Variants in USH2A observed in about 807,000 individuals in gnomAD.
USH2A encodes the protein usherin.
In USH2A, 443 loss-of-function variants were observed where a neutral mutation model predicts 538.9. That is an observed-to-expected ratio of 0.82 (90% CI 0.76 to 0.89). USH2A has a LOEUF of 0.89. USH2A is among the 40% of genes least tolerant of loss of function. The pLI is 0.00. For missense variants in USH2A, 6,633 were observed against 6,324.8 expected (o/e 1.05, Z -1.65); for synonymous variants, 2,413 against 2,273.5 (o/e 1.06, Z -1.75).
In USH2A at chr1:215,888,608, T is replaced by A. The variant is rs561700482; in HGVS notation, c.8041A>T (p.Met2681Leu). The change falls in exon 41 of 72, where the codon ATG (methionine) becomes TTG (leucine). Residue 2681 changes from methionine (M) to leucine (L), a missense_variant. Transcript: ENST00000307340. ...GCAGAAGTCTTGTCAATAAACCTCA[T>A]GGAATGACTCCTCGGGAGAGTCACC... ...TLVTLPRSHS[M>L]RFIDKTSALS... The A allele has an allele frequency of 6.2e-6, 10 of 1,614,186 alleles. No individual in the cohort carries two copies. The East Asian group carries it at 1.1e-4, about 18-fold the overall frequency.
chr1:215,676,468 G>A (rs1395774752), intron 62 of USH2A, among the ~76,000 whole-genome samples: 1 of 151,976 alleles, frequency 6.6e-6, no homozygotes, highest in African/African-American at 2.4e-5. Flanking sequence ...CACTCCTTTC[G>A]ATGACTCCCT....
At chr1:216,108,907 C>A (rs948833759) in intron 21 of USH2A, among the ~76,000 whole-genome samples, 2 of 151,800 alleles carry the variant, frequency 1.3e-5, no homozygotes, top group East Asian at 3.9e-4. Context: ...GCTTTAAATT[C>A]TTTGCTTTCT....
intron 35 of USH2A, among the ~76,000 whole-genome samples, chr1:215,990,760 CTTT>C (rs35293238): frequency 2.6e-5 from 3 of 114,576 alleles, no homozygotes; most frequent in Non-Finnish European, 3.4e-5. Context: ...CTTAATTTTC[CTTT>C]TTTTTTTTTT....
intron 22 of USH2A, among the ~76,000 whole-genome samples, chr1:216,096,626 A>G (rs1184486302): frequency 1.3e-5 from 2 of 152,194 alleles, no homozygotes; most frequent in Non-Finnish European, 2.9e-5. Context: ...TTGCAGGGGC[A>G]TGGTCATATT....
At chr1:215,781,194 C>T (rs1661624698) in intron 54 of USH2A, among the ~76,000 whole-genome samples, 1 of 152,094 alleles carries the variant, frequency 6.6e-6, no homozygotes, top group South Asian at 2.1e-4. Context: ...ACTTCAACTT[C>T]CCATACAGAT....
chr1:215,675,647 T>C (rs377405932), intron 62 of USH2A, 31 bp from the exon 63 acceptor site: 56 of 1,613,914 alleles, frequency 3.5e-5, no homozygotes, highest in African/African-American at 2.3e-4. Flanking sequence ...AAGGGATAAC[T>C]TGCAGCATAC....
At chr1:216,251,203 C>G in intron 11 of USH2A, 105 bp from the exon 12 acceptor site, 1 of 1,123,020 alleles carries the variant, frequency 8.9e-7, no homozygotes, top group Admixed American at 1.9e-5. Flanking sequence ...ACTAAATGTT[C>G]AACAGACAAG....
intron 47 of USH2A, among the ~76,000 whole-genome samples, chr1:215,823,081 G>T (rs1016784549): frequency 1.6e-4 from 25 of 151,978 alleles, no homozygotes; most frequent in African/African-American, 6.0e-4. Flanking sequence ...ATTGCATGCT[G>T]CAATTACAGT....
intron 60 of USH2A, among the ~76,000 whole-genome samples, chr1:215,729,982 C>G (rs1659943922): frequency 6.6e-6 from 1 of 152,144 alleles, no homozygotes; most frequent in African/African-American, 2.4e-5. Flanking sequence ...TCCCCAAAAC[C>G]TGGTAAAATG....
chr1:216,394,845 A>T (rs532217366), intron 3 of USH2A, among the ~76,000 whole-genome samples: 2,936 of 150,826 alleles, frequency 0.019, 107 homozygotes, highest in African/African-American at 0.066. Flanking sequence ...CAGCCTCCCA[A>T]GTAGCTGGGA....
chr1:215,759,865 G>A (rs936835086), intron 56 of USH2A, 22 bp from the exon 57 acceptor site: 4 of 1,613,588 alleles, frequency 2.5e-6, no homozygotes, highest in Non-Finnish European at 3.4e-6. Flanking sequence ...AACGCAATGA[G>A]GTTTTATTGT....
At chr1:215,805,984 CAAAA>C (rs57712355) in intron 49 of USH2A, among the ~76,000 whole-genome samples, 2 of 93,490 alleles carry the variant, frequency 2.1e-5, no homozygotes, top group South Asian at 3.2e-4. Context: ...AAGACACAAT[CAAAA>C]AAAAAAAAAA....
intron 10 of USH2A, among the ~76,000 whole-genome samples, chr1:216,290,262 A>C (rs1320646338): frequency 6.6e-6 from 1 of 152,156 alleles, no homozygotes; most frequent in Non-Finnish European, 1.5e-5. Flanking sequence ...ATCAATAATC[A>C]ATAATATGAA....
At position 216,321,946 on chromosome 1, in the gene USH2A, G is replaced by A. The variant is rs140331348; in HGVS notation, c.1581C>T (p.Cys527=). ...RCQCHGHADN[C]DTTSQPYRCL... is the part of the protein sequence containing the mutation. ...ATCTATATGGCTGGCTTGTTGTGTC[G>A]CAGTTATCGGCATGACCATGGCACT... The change falls in exon 9 of 72, where the codon TGC becomes TGT. Residue 527 remains cysteine (C), a synonymous_variant. Transcript: ENST00000307340. The A allele has an allele frequency of 1.1e-4, 179 of 1,613,768 alleles. 1 individual carries two copies. The Admixed American group carries it at 1.6e-3, about 14-fold the overall frequency.
At chr1:216,101,824 A>T (rs968191558) in intron 21 of USH2A, among the ~76,000 whole-genome samples, 1 of 152,258 alleles carries the variant, frequency 6.6e-6, no homozygotes, top group East Asian at 1.9e-4. Context: ...TAAGGAACAC[A>T]TACTTTGTAC....
chr1:216,167,746 T>A (rs2034199374), intron 21 of USH2A, among the ~76,000 whole-genome samples: 1 of 152,164 alleles, frequency 6.6e-6, no homozygotes, highest in Non-Finnish European at 1.5e-5. Flanking sequence ...CTAAAATTTT[T>A]AAATAAATTT....
chr1:216,340,581 G>A (rs1163608194), intron 4 of USH2A, among the ~76,000 whole-genome samples: 1 of 149,354 alleles, frequency 6.7e-6, no homozygotes, highest in Non-Finnish European at 1.5e-5. Context: ...CATCCCTGAT[G>A]AACACTAATA....
At chr1:216,258,017 T>A (rs1479782756) in intron 11 of USH2A, among the ~76,000 whole-genome samples, 1 of 152,096 alleles carries the variant, frequency 6.6e-6, no homozygotes, top group African/African-American at 2.4e-5. Context: ...CAATTCTGGA[T>A]CAATTTTGAT....
chr1:215,690,135 C>G (rs567777736), intron 61 of USH2A, among the ~76,000 whole-genome samples: 5 of 152,206 alleles, frequency 3.3e-5, no homozygotes, highest in Non-Finnish European at 7.3e-5. Context: ...CCTCATTCTC[C>G]TCTACTCCAA....
Sources: allele counts gnomAD v4.1 joint callset (sites outside exome capture counted in the v4.1 genomes callset), GRCh38; gene constraint gnomAD v4.1.1; transcripts MANE v1.5; gene names NCBI Gene and HGNC (gene_info 2026-07-23, HGNC 2026-07-21).